Variants in CRACDL observed in about 807,000 individuals in gnomAD.
CRACDL encodes the protein CRACD-like protein.
CRACDL carries 26 observed loss-of-function variants against 70.6 expected under a neutral mutation model. The ratio of observed to expected loss-of-function variants is 0.37; its 90% CI spans 0.27 to 0.51. The LOEUF is 0.51. Ranked by LOEUF, CRACDL falls within the 20% of genes least tolerant of loss-of-function variation. The pLI is 0.94. For synonymous variants in CRACDL, 618 were observed against 615.2 expected, an observed-to-expected ratio of 1.00 and a Z score of -0.07; for missense variants, 1,283 against 1,376.9, an observed-to-expected ratio of 0.93 and a Z score of 1.08.
chr2:98,861,939 T>G (rs1345335592), intron 1 of CRACDL, among the ~76,000 whole-genome samples: 1 of 152,184 alleles, frequency 6.6e-6, no homozygotes, highest in Non-Finnish European at 1.5e-5. Context: ...CCTCTGGCTG[T>G]TGCTTCTGAT....
chr2:98,844,120 T>C (rs891632697), intron 2 of CRACDL, among the ~76,000 whole-genome samples: 1 of 152,214 alleles, frequency 6.6e-6, no homozygotes, highest in African/African-American at 2.4e-5. Context: ...CTGTCTTCCA[T>C]AACTGACTTT....
intron 1 of CRACDL, among the ~76,000 whole-genome samples, chr2:98,880,368 G>A (rs927389376): frequency 6.6e-5 from 10 of 152,160 alleles, no homozygotes; most frequent in Admixed American, 1.3e-4. Flanking sequence ...TGTGCTAGGC[G>A]CTGTTCTAAG....
At chr2:98,895,898 G>A (rs1708110164) in intron 1 of CRACDL, among the ~76,000 whole-genome samples, 1 of 152,128 alleles carries the variant, frequency 6.6e-6, no homozygotes, top group Non-Finnish European at 1.5e-5. Context: ...AACCCAGAGA[G>A]CTCGCTTGCC....
intron 1 of CRACDL, among the ~76,000 whole-genome samples, chr2:98,894,040 A>T (rs1262771195): frequency 6.6e-6 from 1 of 152,190 alleles, no homozygotes; most frequent in Non-Finnish European, 1.5e-5. Flanking sequence ...GCTCCTCTCA[A>T]CAGGGCCCAG....
Position 98,832,847 on chromosome 2 carries a change from C to T in CRACDL, c.375+15G>A, listed in dbSNP as rs372457866. 71 of 1,612,938 alleles carry T rather than the reference C, an allele frequency of 4.4e-5. No homozygotes were observed. The highest frequency in any genetic ancestry group is 5.7e-5 in the Non-Finnish European group (67 of 1,179,772). On this transcript the variant is annotated intron_variant, in intron 4 of 9. Coordinates refer to ENST00000397899, the MANE Select transcript of CRACDL (RefSeq NM_207362.3). ...TGACTTGCACACCAGGCGACATGAC[C>T]AAGGAAACATTTACCTGCAGAGCTT...
intron 1 of CRACDL, among the ~76,000 whole-genome samples, chr2:98,883,243 CAA>C (rs1353628328): frequency 1.3e-5 from 2 of 152,176 alleles, no homozygotes; most frequent in Admixed American, 6.5e-5. Context: ...TCACCAAAAA[CAA>C]AAGAGACCAC....
chr2:98,835,627 A>G (rs1038975461), intron 3 of CRACDL, among the ~76,000 whole-genome samples: 3 of 152,220 alleles, frequency 2.0e-5, no homozygotes, highest in Non-Finnish European at 2.9e-5. Flanking sequence ...AGAAAAAAAC[A>G]AAACCCACTG....
chr2:98,922,981 ATTT>A (rs1708839427), intron 1 of CRACDL, among the ~76,000 whole-genome samples: 1 of 152,190 alleles, frequency 6.6e-6, no homozygotes, highest in African/African-American at 2.4e-5. Context: ...CATCTTTTAA[ATTT>A]ATAGGCCAGG....
rs370742460 is a variant in CRACDL at position 98,858,512 on chromosome 2, CAAAA to C, written c.-10-11706_-10-11703del. ...CCTGGGTGACAGAGTGAGACTCTGT[CAAAA>C]AAAAAAAAAAAAAAAAGAAGAAGAA... On this transcript the variant is annotated intron_variant, in intron 1 of 9. Coordinates refer to ENST00000397899, the MANE Select transcript of CRACDL (RefSeq NM_207362.3). Among the ~76,000 whole-genome samples, 6 of 56,276 alleles carry C rather than the reference CAAAA, an allele frequency of 1.1e-4. No homozygotes were observed. The South Asian group carries it at 2.3e-3, about 21-fold the overall frequency. 36.9% of individuals were successfully genotyped at this position (56,276 alleles called of 152,430 possible). A position where few individuals can be genotyped will look rare whatever the true frequency, so the allele number is the denominator to read the frequency against.
intron 1 of CRACDL, among the ~76,000 whole-genome samples, chr2:98,915,967 G>A (rs1558638275): frequency 6.6e-6 from 1 of 152,166 alleles, no homozygotes; most frequent in Non-Finnish European, 1.5e-5. Context: ...GGCTGGCCGG[G>A]CCATTGCCCT....
rs1310155610 is a variant in CRACDL, at chr2:98,795,075, A to ATTT, written c.2750-405_2750-404insAAA. Among the ~76,000 whole-genome samples the ATTT allele has an allele frequency of 7.4e-4, 18 of 24,466 alleles. 2 individuals carry two copies. Among genetic ancestry groups the ATTT allele is most frequent in the Non-Finnish European group, 1.1e-3 (11 of 10,440 alleles). The allele number at this position is 24,466 out of a possible 152,430, so 16.1% of individuals were successfully genotyped here. On this transcript the variant is annotated intron_variant, in intron 9 of 9. Coordinates refer to ENST00000397899, the MANE Select transcript of CRACDL (RefSeq NM_207362.3). ...TATATATATATATATATATATATAT[A>ATTT]TATTTTTTTTTTTTTTTGAGACAGA...
rs1705081743 is a variant in CRACDL at position 98,822,265 on chromosome 2, C to A, written c.2008G>T (p.Ala670Ser). 1.9e-6 allele frequency: 3 copies of A among 1,590,422 alleles called. No homozygotes were observed. Reference protein sequence around the residue: ...APGTREPCPAAQEPAPSEDRN... With the variant: ...APGTREPCPASQEPAPSEDRN... Reference sequence around the variant, plus strand: ...TCCTCACTCGGGGCCGGCTCCTGGGCGGCTGGGCAGGGCTCTCTCGTGCCG... The same window carrying A: ...TCCTCACTCGGGGCCGGCTCCTGGGAGGCTGGGCAGGGCTCTCTCGTGCCG... Residue 670 changes from alanine to serine, a missense_variant, in exon 7 of 10, where the codon GCC becomes TCC. Physicochemically the swap from Ala to Ser is moderately conservative, Grantham distance 99. Around this residue, in one of 2 missense-constraint regions of CRACDL, gnomAD observed 921 missense variants for 881.9 expected, o/e 1.04. Transcript: ENST00000397899. This position sits in a 1 kb window ranked among gnomAD's most constrained non-coding sequence, Gnocchi z 4.9.
chr2:98,837,403 A>G (rs1163959802), intron 3 of CRACDL, among the ~76,000 whole-genome samples: 1 of 151,814 alleles, frequency 6.6e-6, no homozygotes, highest in Non-Finnish European at 1.5e-5. Context: ...CCCAAACCTG[A>G]GGGATATTAT....
chr2:98,832,287 G>C, intron 5 of CRACDL, 61 bp downstream of exon 5: 1 of 1,581,198 alleles, frequency 6.3e-7, no homozygotes, highest in East Asian at 2.2e-5. Context: ...GGATCTCAGA[G>C]CTCCAGCACC....
intron 7 of CRACDL, among the ~76,000 whole-genome samples, chr2:98,812,994 T>C (rs1704636269): frequency 6.6e-6 from 1 of 152,238 alleles, no homozygotes; most frequent in Non-Finnish European, 1.5e-5. Context: ...GTTTTCATTT[T>C]ACATTTAAGT....
In CRACDL at chr2:98,823,450, C is replaced by T. The variant is rs1434002239; in HGVS notation, c.823G>A (p.Glu275Lys). The T allele has an allele frequency of 6.3e-6, 10 of 1,590,780 alleles. No homozygotes were observed. The highest frequency in any genetic ancestry group is 8.5e-6 in the Non-Finnish European group (10 of 1,176,152). The part of the protein sequence containing the change: ...EEKPLLEVSP[E>K]ERPSSGQQDV... Reference sequence around the variant, plus strand: ...TGCTGCCCAGAGCTGGGGCGCTCTTCTGGGCTGACTTCCAAAAGTGGCTTC... The same window carrying T: ...TGCTGCCCAGAGCTGGGGCGCTCTTTTGGGCTGACTTCCAAAAGTGGCTTC... The change falls in exon 7 of 10, where the codon GAA (glutamate) becomes AAA (lysine). Residue 275 changes from glutamate to lysine, a missense_variant. Coordinates refer to ENST00000397899, the MANE Select transcript of CRACDL (RefSeq NM_207362.3). The surrounding 1 kb of genome is among the most constrained non-coding windows in gnomAD (Gnocchi z 4.0).
chr2:98,885,517 T>C (rs1199233773), intron 1 of CRACDL, among the ~76,000 whole-genome samples: 1 of 152,108 alleles, frequency 6.6e-6, no homozygotes, highest in Non-Finnish European at 1.5e-5. Flanking sequence ...CAGAATGAAA[T>C]AACTGTCATG....
At chr2:98,827,908 C>T (rs1705376775) in intron 5 of CRACDL, among the ~76,000 whole-genome samples, 1 of 152,220 alleles carries the variant, frequency 6.6e-6, no homozygotes, top group South Asian at 2.1e-4. Flanking sequence ...AGTGCAAAGC[C>T]CACTGCCCAG....
At chr2:98,876,022 C>G (rs1268562852) in intron 1 of CRACDL, among the ~76,000 whole-genome samples, 1 of 152,200 alleles carries the variant, frequency 6.6e-6, no homozygotes, top group African/African-American at 2.4e-5. Context: ...CAGGTTAAGC[C>G]ACAAGCTTGC....
Sources: allele counts gnomAD v4.1 joint callset (sites outside exome capture counted in the v4.1 genomes callset), GRCh38; gene constraint gnomAD v4.1.1; regional missense constraint gnomAD v4.1.1; non-coding constraint Gnocchi (gnomAD v3.1); transcripts MANE v1.5; gene names NCBI Gene and HGNC (gene_info 2026-07-23, HGNC 2026-07-21).